The following TMEM131L variants were observed in gnomAD, a reference collection of about 807,000 sequenced individuals.
TMEM131L encodes the protein transmembrane 131 like, also known as transmembrane protein 131-like.
TMEM131L carries 54 observed loss-of-function variants against 192.2 expected under a neutral mutation model. The ratio of observed to expected loss-of-function variants is 0.28; its 90% confidence interval spans 0.23 to 0.35. The LOEUF (loss-of-function observed/expected upper bound fraction) is 0.35. Among genes scored for constraint, TMEM131L ranks in the 10% least tolerant of loss-of-function variants. The pLI, the probability that TMEM131L is intolerant of heterozygous loss-of-function variation, is 1.00. For synonymous variants in TMEM131L, 701 were observed against 704.9 expected, an observed-to-expected ratio of 0.99 and a Z score of 0.09; for missense variants, 1,888 against 1,972.9, an observed-to-expected ratio of 0.96 and a Z score of 0.82.
chr4:153,512,362 C>G (rs1480714272), intron 3 of TMEM131L, among the ~76,000 whole-genome samples: 1 of 152,144 alleles, frequency 6.6e-6, no homozygotes, highest in Admixed American at 6.5e-5. Flanking sequence ...GAACTGTGGG[C>G]AAAGGCTATC....
chr4:153,577,538 GTC>G (rs1163170592), intron 7 of TMEM131L, among the ~76,000 whole-genome samples: 1 of 152,208 alleles, frequency 6.6e-6, no homozygotes, highest in Non-Finnish European at 1.5e-5. Context: ...ATAGTAGACA[GTC>G]CATAAAGGAA....
At chr4:153,506,941 A>G (rs887214485) in intron 3 of TMEM131L, among the ~76,000 whole-genome samples, 4 of 152,158 alleles carry the variant, frequency 2.6e-5, no homozygotes, top group African/African-American at 9.6e-5. Flanking sequence ...AGTGGGGAAT[A>G]AAAACCTCCC....
intron 7 of TMEM131L, among the ~76,000 whole-genome samples, chr4:153,578,950 A>C (rs755807288): frequency 6.6e-6 from 1 of 152,092 alleles, no homozygotes; most frequent in Non-Finnish European, 1.5e-5. Flanking sequence ...GAGCCACTGC[A>C]CCCAGCCTAA....
intron 26 of TMEM131L, among the ~76,000 whole-genome samples, chr4:153,615,302 A>G (rs889693475): frequency 6.6e-6 from 1 of 152,202 alleles, no homozygotes; most frequent in African/African-American, 2.4e-5. Context: ...ATTCCTACCA[A>G]CAGAGAGGGA....
intron 3 of TMEM131L, among the ~76,000 whole-genome samples, chr4:153,491,400 C>T (rs74537360): frequency 0.08 from 12,212 of 151,794 alleles, 811 homozygotes; most frequent in East Asian, 0.23. Context: ...ATTAGGTAGA[C>T]GGTAATTAGA....
chr4:153,614,287 C>T (rs1205441307), intron 26 of TMEM131L, among the ~76,000 whole-genome samples: 1 of 152,166 alleles, frequency 6.6e-6, no homozygotes, highest in Non-Finnish European at 1.5e-5. Flanking sequence ...AGACTTTCTT[C>T]CCTAGGTCTT....
chr4:153,532,789 G>GAC (rs1268341581), intron 3 of TMEM131L, among the ~76,000 whole-genome samples: 1 of 151,990 alleles, frequency 6.6e-6, no homozygotes, highest in African/African-American at 2.4e-5. Context: ...CTGACTTTTG[G>GAC]ACACAATCTC....
intron 3 of TMEM131L, among the ~76,000 whole-genome samples, chr4:153,484,081 A>G (rs1158643555): frequency 1.3e-5 from 2 of 152,192 alleles, no homozygotes; most frequent in Non-Finnish European, 2.9e-5. Flanking sequence ...TTCTCTGTCT[A>G]GGAACACCAA....
At chr4:153,570,293 C>T (rs1485765042) in intron 7 of TMEM131L, among the ~76,000 whole-genome samples, 1 of 152,194 alleles carries the variant, frequency 6.6e-6, no homozygotes, top group African/African-American at 2.4e-5. Context: ...TAAGCAGAAT[C>T]GTCCCTAGTA....
chr4:153,533,652 A>G (rs1350493220), intron 3 of TMEM131L, among the ~76,000 whole-genome samples: 2 of 152,182 alleles, frequency 1.3e-5, no homozygotes, highest in African/African-American at 4.8e-5. Context: ...AAGGGTTACC[A>G]ACTTGGACCT....
chr4:153,586,157 A>G (rs1730685722), intron 13 of TMEM131L, 52 bp from the exon 14 acceptor site: 1 of 1,280,614 alleles, frequency 7.8e-7, no homozygotes, highest in Non-Finnish European at 1.1e-6. Context: ...TAATGATTTT[A>G]ATCATAATTA....
intron 14 of TMEM131L, among the ~76,000 whole-genome samples, chr4:153,587,428 G>A (rs909442218): frequency 6.6e-6 from 1 of 150,664 alleles, no homozygotes; most frequent in Non-Finnish European, 1.5e-5. Flanking sequence ...GTCTCACTCT[G>A]TTGCCCAGGC....
chr4:153,490,148 A>G (rs183022747), intron 3 of TMEM131L, among the ~76,000 whole-genome samples: 7 of 152,202 alleles, frequency 4.6e-5, no homozygotes, highest in Admixed American at 1.3e-4. Context: ...TGCTGTCCAT[A>G]AGGAATAGCT....
chr4:153,543,075 C>T (rs916573869), intron 3 of TMEM131L, among the ~76,000 whole-genome samples: 1 of 152,202 alleles, frequency 6.6e-6, no homozygotes, highest in Admixed American at 6.5e-5. Flanking sequence ...GCTCCAAGGA[C>T]TTTTTGATTC....
chr4:153,536,775 A>C (rs1297662747), intron 3 of TMEM131L, among the ~76,000 whole-genome samples: 4 of 151,330 alleles, frequency 2.6e-5, no homozygotes, highest in Non-Finnish European at 4.4e-5. Flanking sequence ...GTTTATTACA[A>C]AGTATTAAAC....
chr4:153,487,770 G>A (rs539754042), intron 3 of TMEM131L, among the ~76,000 whole-genome samples: 87 of 151,056 alleles, frequency 5.8e-4, no homozygotes, highest in African/African-American at 2.1e-3. Context: ...TGAGCTGTAT[G>A]TGTGTGTGTG....
intron 3 of TMEM131L, among the ~76,000 whole-genome samples, chr4:153,479,075 A>G (rs2149783498): frequency 6.6e-6 from 1 of 152,326 alleles, no homozygotes; most frequent in South Asian, 2.1e-4. Context: ...GAAAGAATCT[A>G]AAGAGTGAGG....
intron 3 of TMEM131L, among the ~76,000 whole-genome samples, chr4:153,477,146 AATC>A (rs1430049524): frequency 6.6e-6 from 1 of 152,024 alleles, no homozygotes; most frequent in African/African-American, 2.4e-5. Flanking sequence ...GGGAAAGAGA[AATC>A]ATGGAGAGAG....
chr4:153,632,539 C>T (rs959244046), intron 31 of TMEM131L, 179 bp from the exon 32 acceptor site: 14 of 643,894 alleles, frequency 2.2e-5, no homozygotes, highest in African/African-American at 2.0e-4. Flanking sequence ...TCTGAAGAAA[C>T]GGTCAAAACA....
Sources: gnomAD v4.1 joint callset for allele counts (sites outside exome capture counted in the v4.1 genomes callset) on GRCh38, gnomAD v4.1.1 for gene constraint, MANE v1.5 for transcripts, NCBI Gene and HGNC (gene_info 2026-07-23, HGNC 2026-07-21) for gene names.